COX6A1: variants seen among roughly 807,000 people sequenced by gnomAD.
COX6A1 encodes the protein cytochrome c oxidase subunit 6A1, also known as cytochrome c oxidase subunit 6A1, mitochondrial.
In COX6A1, 10 loss-of-function variants were observed where a neutral mutation model predicts 11.3. That is an observed-to-expected ratio of 0.88 (90% CI 0.54 to 1.50). COX6A1 has a LOEUF of 1.50. Among genes scored for constraint, COX6A1 ranks in the 40% most tolerant of loss-of-function variants. The pLI is 0.00. For synonymous variants in COX6A1, 81 were observed against 60.6 expected, an observed-to-expected ratio of 1.34 and a Z score of -1.57; for missense variants, 149 against 147.6, an observed-to-expected ratio of 1.01 and a Z score of -0.05.
intron 2 of COX6A1, chr12:120,438,771 T>G: frequency 1.1e-5 from 4 of 358,954 alleles, no homozygotes; most frequent in Non-Finnish European, 5.1e-6. Context: ...TCCTACCTCC[T>G]GCCTTCTGAG....
Position 120,438,137 on chromosome 12 carries a change from T to C in COX6A1, c.11T>C (p.Val4Ala), listed in dbSNP as rs1180110277. ...CAGTCCAGATCAAAAATGGCGGTAG[T>C]TGGTGTGTCCTCGGTTTCTCGGCTG... MAV[V>A]GVSSVSRLLG... Residue 4 changes from valine (V) to alanine (A), a missense_variant, in exon 1 of 3, where the codon GTT (valine) becomes GCT (alanine). By Grantham distance (64) the Val-to-Ala change is moderately conservative (BLOSUM62 0). Coordinates refer to ENST00000229379, the MANE Select transcript of COX6A1 (RefSeq NM_004373.4). 1.2e-6 allele frequency: 2 copies of C among 1,613,382 alleles called. No individual in the cohort carries two copies. Among genetic ancestry groups the C allele is most frequent in the Non-Finnish European group, 1.7e-6 (2 of 1,179,866 alleles).
chr12:120,439,794 A>G (rs558437823), intron 2 of COX6A1, among the ~76,000 whole-genome samples: 4 of 152,184 alleles, frequency 2.6e-5, no homozygotes, highest in East Asian at 1.9e-4. Flanking sequence ...TTGGGGGGCT[A>G]TCTTGTGCAT....
rs746723756 is a variant in COX6A1, at chr12:120,438,158, G to A, written c.32G>A (p.Arg11Gln). 1 of 1,613,788 alleles carries A rather than the reference G, an allele frequency of 6.2e-7. No homozygotes were observed. Among genetic ancestry groups the A allele is most frequent in the Admixed American group, 1.7e-5 (1 of 59,982 alleles). Residue 11 changes from arginine to glutamine, a missense_variant, in exon 1 of 3, where the codon CGG becomes CAG. Physicochemically the swap from Arg to Gln is conservative, Grantham distance 43. Transcript: ENST00000229379. Reference protein sequence around the residue: MAVVGVSSVSRLLGRSRPQLG... With the variant: MAVVGVSSVSQLLGRSRPQLG... ...GTAGTTGGTGTGTCCTCGGTTTCTCGGCTGCTGGGTCGGTCCCGCCCACAG... is the reference window on the plus strand; with the variant it reads ...GTAGTTGGTGTGTCCTCGGTTTCTCAGCTGCTGGGTCGGTCCCGCCCACAG...
rs746723756 is a variant in COX6A1, at chr12:120,438,158, G to C, written c.32G>C (p.Arg11Pro). Residue 11 changes from arginine to proline, a missense_variant, in exon 1 of 3, where the codon CGG (arginine) becomes CCG (proline). Transcript: ENST00000229379. ...GTAGTTGGTGTGTCCTCGGTTTCTCGGCTGCTGGGTCGGTCCCGCCCACAG... is the reference window on the plus strand; with the variant it reads ...GTAGTTGGTGTGTCCTCGGTTTCTCCGCTGCTGGGTCGGTCCCGCCCACAG... The part of the protein sequence containing the change: MAVVGVSSVS[R>P]LLGRSRPQLG... 2.8e-5 allele frequency: 45 copies of C among 1,613,670 alleles called. No homozygotes were observed. The highest frequency in any genetic ancestry group is 3.6e-5 in the Non-Finnish European group (42 of 1,179,966).
chr12:120,439,094 A>G (rs1160570497), intron 2 of COX6A1, among the ~76,000 whole-genome samples: 4 of 152,230 alleles, frequency 2.6e-5, no homozygotes, highest in Non-Finnish European at 5.9e-5. Flanking sequence ...TACTAGTTGC[A>G]TAATGAAGAG....
Position 120,438,499 on chromosome 12 carries a change from C to T in COX6A1, c.224C>T (p.Pro75Leu), listed in dbSNP as rs769342311. ...EHERPEFIAY[P>L]HLRIRTKPFP... ...GAGAGACCCGAGTTCATCGCCTACC[C>T]CCATCTCCGCATCAGGACCAAGGTA... Residue 75 changes from proline to leucine, a missense_variant, in exon 2 of 3, where the codon CCC becomes CTC. Pro to Leu is a moderately conservative substitution (Grantham distance 98). Coordinates refer to ENST00000229379, the MANE Select transcript of COX6A1 (RefSeq NM_004373.4). 2 of 1,614,202 alleles carry T rather than the reference C, an allele frequency of 1.2e-6. No individual in the cohort carries two copies. The highest frequency in any genetic ancestry group is 2.2e-5 in the East Asian group (1 of 44,880).
chr12:120,438,116 C>T lies in COX6A1; in HGVS notation c.-11C>T, dbSNP rs191333802. ...CTTCCGCTTCCGGCGCTGCGGCAGTCCAGATCAAAAATGGCGGTAGTTGGT... is the reference window on the plus strand; with the variant it reads ...CTTCCGCTTCCGGCGCTGCGGCAGTTCAGATCAAAAATGGCGGTAGTTGGT... On this transcript the variant is annotated 5_prime_UTR_variant, in exon 1 of 3. Coordinates refer to ENST00000229379, the MANE Select transcript of COX6A1 (RefSeq NM_004373.4). 6.2e-7 allele frequency: 1 copy of T among 1,612,588 alleles called. No homozygotes were observed. Among genetic ancestry groups the T allele is most frequent in the Non-Finnish European group, 8.5e-7 (1 of 1,179,552 alleles).
In COX6A1 at chr12:120,438,234, T is replaced by C. The variant is rs1268967891; in HGVS notation, c.103+5T>C. On this transcript the variant is annotated splice_donor_5th_base_variant and intron_variant, in intron 1 of 2. Coordinates refer to ENST00000229379, the MANE Select transcript of COX6A1 (RefSeq NM_004373.4). ...CCCATGGCGAAGAGGGCTCAGGTACTGGGGCCGGGGTCGACGGGTCGAGCC... is the reference window on the plus strand; with the variant it reads ...CCCATGGCGAAGAGGGCTCAGGTACCGGGGCCGGGGTCGACGGGTCGAGCC... 2 of 1,613,316 alleles carry C rather than the reference T, an allele frequency of 1.2e-6. No homozygotes were observed. Among genetic ancestry groups the C allele is most frequent in the South Asian group, 2.2e-5 (2 of 90,992 alleles).
intron 2 of COX6A1, 126 bp downstream of exon 2, chr12:120,438,647 A>G (rs1195851044): frequency 1.6e-5 from 21 of 1,348,496 alleles, no homozygotes; most frequent in Non-Finnish European, 2.2e-5. Context: ...CACAAACAGA[A>G]AATGTATTTT....
rs754588549 is a variant in COX6A1 at position 120,438,146 on chromosome 12, CCTCGGTTT to C, written c.26_33del (p.Val9AlafsTer79). The C allele has an allele frequency of 6.8e-6, 11 of 1,613,560 alleles. No homozygotes were observed. Among genetic ancestry groups the C allele is most frequent in the Non-Finnish European group, 8.5e-6 (10 of 1,179,922 alleles). On this transcript the variant is annotated frameshift_variant, in exon 1 of 3. Transcript: ENST00000229379. LOFTEE classifies it high-confidence loss of function. ...TCAAAAATGGCGGTAGTTGGTGTGTCCTCGGTTTCTCGGCTGCTGGGTCGGTCCCGCCC... is the reference window on the plus strand; with the variant it reads ...TCAAAAATGGCGGTAGTTGGTGTGTCCTCGGCTGCTGGGTCGGTCCCGCCC...
chr12:120,439,634 T>C (rs1055223309), intron 2 of COX6A1, among the ~76,000 whole-genome samples: 4 of 152,156 alleles, frequency 2.6e-5, no homozygotes, highest in Non-Finnish European at 4.4e-5. Flanking sequence ...CTAGCCCATA[T>C]AGGACTGGCC....
chr12:120,438,689 G>A (rs1877634478), intron 2 of COX6A1, 168 bp downstream of exon 2: 2 of 848,876 alleles, frequency 2.4e-6, no homozygotes, highest in Admixed American at 4.5e-5. Context: ...GCTGACACTT[G>A]GGATTACGTC....
chr12:120,438,360 G>A lies in COX6A1; in HGVS notation c.104-19G>A. On this transcript the variant is annotated intron_variant, in intron 1 of 2. Transcript: ENST00000229379. ...GGCCCGCCCCATACCGGCGCTGAAC[G>A]TTTGTGGCTTCTCCGCAGCTCGCAT... is the stretch of plus-strand genomic sequence containing the variant. The A allele has an allele frequency of 6.2e-7, 1 of 1,614,202 alleles. No individual in the cohort carries two copies. Among genetic ancestry groups the A allele is most frequent in the Non-Finnish European group, 8.5e-7 (1 of 1,180,038 alleles).
At position 120,440,577 on chromosome 12, in the gene COX6A1, C is replaced by T. The variant is rs763892942; in HGVS notation, c.*40C>T. 2.0e-6 allele frequency: 3 copies of T among 1,468,722 alleles called. No individual in the cohort carries two copies. In the Admixed American group the frequency reaches 5.0e-5, roughly 25 times the overall value. The allele number at this position is 1,468,722 out of a possible 1,614,324, so 91.0% of individuals were successfully genotyped here. On this transcript the variant is annotated 3_prime_UTR_variant, in exon 3 of 3. Coordinates refer to ENST00000229379, the MANE Select transcript of COX6A1 (RefSeq NM_004373.4). ...ACTACCCGGGCACCAGGGACCACAGCACTGGTTTGGACCGTTACTCTGCAC... is the reference window on the plus strand; with the variant it reads ...ACTACCCGGGCACCAGGGACCACAGTACTGGTTTGGACCGTTACTCTGCAC...
intron 2 of COX6A1, 53 bp downstream of exon 2, chr12:120,438,574 C>T: frequency 1.2e-6 from 2 of 1,613,298 alleles, no homozygotes; most frequent in Non-Finnish European, 8.5e-7. Context: ...TTATGTGTGC[C>T]TTAGTGCAAG....
At chr12:120,440,393 A>G in intron 2 of COX6A1, 61 bp from the exon 3 acceptor site, 1 of 1,325,456 alleles carries the variant, frequency 7.5e-7, no homozygotes, top group Non-Finnish European at 1.1e-6. Context: ...TAAGCAGTTC[A>G]TGACGGTGTT....
In COX6A1 at chr12:120,438,507, C is replaced by T. The variant is rs1877629812; in HGVS notation, c.232C>T (p.Arg78Cys). The part of the protein sequence containing the change: ...RPEFIAYPHL[R>C]IRTKPFPWGD... ...CGAGTTCATCGCCTACCCCCATCTC[C>T]GCATCAGGACCAAGGTACGCCCTTG... Residue 78 changes from arginine to cysteine, a missense_variant, in exon 2 of 3, where the codon CGC becomes TGC. Physicochemically the swap from Arg to Cys is radical, Grantham distance 180. Coordinates refer to ENST00000229379, the MANE Select transcript of COX6A1 (RefSeq NM_004373.4). The T allele has an allele frequency of 1.2e-6, 2 of 1,614,204 alleles. No individual in the cohort carries two copies. The highest frequency in any genetic ancestry group is 1.7e-5 in the Admixed American group (1 of 60,012).
intron 2 of COX6A1, 83 bp from the exon 3 acceptor site, chr12:120,440,371 G>A: frequency 1.9e-6 from 2 of 1,055,560 alleles, no homozygotes; most frequent in Non-Finnish European, 1.5e-6. Context: ...TATATGATCT[G>A]TCACCCCGTT....
chr12:120,438,660 T>A (rs1877633940), intron 2 of COX6A1, 139 bp downstream of exon 2: 1 of 1,239,766 alleles, frequency 8.1e-7, no homozygotes, highest in African/African-American at 1.5e-5. Context: ...TGTATTTTCT[T>A]CCATTTTGTG....
Sources: gnomAD v4.1 joint callset for allele counts (sites outside exome capture counted in the v4.1 genomes callset) on GRCh38, gnomAD v4.1.1 for gene constraint, MANE v1.5 for transcripts, NCBI Gene and HGNC (gene_info 2026-07-23, HGNC 2026-07-21) for gene names.